CHST9: variants seen among roughly 807,000 people sequenced by gnomAD.
CHST9 encodes the protein carbohydrate sulfotransferase 9.
In CHST9, 41 loss-of-function variants were observed where a neutral mutation model predicts 44.4. That is an observed-to-expected ratio of 0.92 (90% CI 0.72 to 1.20). CHST9 has a LOEUF of 1.20. Among genes scored for constraint, CHST9 ranks in the 50% most tolerant of loss-of-function variants. The pLI is 0.00. For synonymous variants in CHST9, 171 were observed against 178.4 expected (o/e 0.96, Z 0.33); for missense variants, 504 against 516.5 (o/e 0.98, Z 0.23).
chr18:27,181,725 A>G (rs888521518), intron 1 of CHST9, among the ~76,000 whole-genome samples: 1 of 152,228 alleles, frequency 6.6e-6, no homozygotes, highest in African/African-American at 2.4e-5. Context: ...AGTGGGATTG[A>G]ATTTCTCAAA....
chr18:26,979,291 A>C (rs1185365931), intron 4 of CHST9, among the ~76,000 whole-genome samples: 1 of 152,172 alleles, frequency 6.6e-6, no homozygotes, highest in African/African-American at 2.4e-5. Context: ...AGAAGTGAGA[A>C]AAACATCACC....
At chr18:27,003,360 A>C (rs2056975469) in intron 4 of CHST9, among the ~76,000 whole-genome samples, 1 of 152,126 alleles carries the variant, frequency 6.6e-6, no homozygotes, top group South Asian at 2.1e-4. Flanking sequence ...ACCTAGATCT[A>C]CCACTCATGG....
chr18:27,051,879 A>T (rs959778008), intron 2 of CHST9, among the ~76,000 whole-genome samples: 1 of 152,202 alleles, frequency 6.6e-6, no homozygotes, highest in Non-Finnish European at 1.5e-5. Flanking sequence ...AATTGCAGGC[A>T]TATCAATCAG....
intron 2 of CHST9, among the ~76,000 whole-genome samples, chr18:27,102,943 C>A (rs774257319): frequency 6.6e-5 from 10 of 152,094 alleles, no homozygotes; most frequent in Non-Finnish European, 1.3e-4. Flanking sequence ...TATCAGCTTG[C>A]ATAATGGGCC....
chr18:26,912,933 T>C lies in CHST9; in HGVS notation c.*3326A>G, dbSNP rs2055460928. 6.6e-6 allele frequency: 1 copy of C among 152,210 alleles called. No homozygotes were observed. Among genetic ancestry groups the C allele is most frequent in the East Asian group, 1.9e-4 (1 of 5,194 alleles). The allele number at this position is 152,210 out of a possible 1,614,324, so 9.4% of individuals were successfully genotyped here. ...ATCCTTTTTCAAGTATCAGAGCATCTTGGGAGGGTTAGCCCTGGGCAAAAC... is the reference window on the plus strand; with the variant it reads ...ATCCTTTTTCAAGTATCAGAGCATCCTGGGAGGGTTAGCCCTGGGCAAAAC... On this transcript the variant is annotated 3_prime_UTR_variant, in exon 6 of 6. Coordinates refer to ENST00000618847, the MANE Select transcript of CHST9 (RefSeq NM_031422.6).
rs950618399 is a variant in CHST9 at position 26,910,092 on chromosome 18, G to A, written c.*6167C>T. 2.0e-5 allele frequency: 3 copies of A among 152,106 alleles called. No individual in the cohort carries two copies. Among genetic ancestry groups the A allele is most frequent in the African/African-American group, 7.2e-5 (3 of 41,408 alleles). The allele number at this position is 152,106 out of a possible 1,614,324, so 9.4% of individuals were successfully genotyped here. A position where few individuals can be genotyped will look rare whatever the true frequency, so the allele number is the denominator to read the frequency against. Reference sequence around the variant, plus strand: ...TAGATACTAGAGCTCCAAGAGCCTGGGAGAATGACTCATCTCTGCAGAAAG... The same window carrying A: ...TAGATACTAGAGCTCCAAGAGCCTGAGAGAATGACTCATCTCTGCAGAAAG... On this transcript the variant is annotated 3_prime_UTR_variant, in exon 6 of 6. Transcript: ENST00000618847.
At chr18:26,922,056 A>G (rs2145061020) in intron 5 of CHST9, among the ~76,000 whole-genome samples, 1 of 152,130 alleles carries the variant, frequency 6.6e-6, no homozygotes, top group Admixed American at 6.5e-5. Flanking sequence ...TTTGTTTTTT[A>G]TTTCTTAACA....
At chr18:27,136,438 T>G (rs981308546) in intron 2 of CHST9, among the ~76,000 whole-genome samples, 1 of 152,140 alleles carries the variant, frequency 6.6e-6, no homozygotes, top group Non-Finnish European at 1.5e-5. Flanking sequence ...CACTGTGTCT[T>G]TCTCTAGTGC....
intron 1 of CHST9, among the ~76,000 whole-genome samples, chr18:27,179,959 G>C (rs1342075249): frequency 6.6e-6 from 1 of 152,094 alleles, no homozygotes; most frequent in Admixed American, 6.5e-5. Flanking sequence ...AAATGTTCCA[G>C]AAAGTACTTT....
chr18:26,927,906 A>G (rs1007431502), intron 5 of CHST9, among the ~76,000 whole-genome samples: 10 of 152,200 alleles, frequency 6.6e-5, no homozygotes, highest in African/African-American at 2.4e-4. Flanking sequence ...AACCTCGGAC[A>G]ATACCTGGCT....
rs77047987 is a variant in CHST9, at chr18:27,024,717, A to G, written c.161-560T>C. 6.7e-3 allele frequency among the ~76,000 whole-genome samples: 1,019 copies of G among 152,346 alleles called. 9 individuals carry two copies. Among genetic ancestry groups the G allele is most frequent in the African/African-American group, 0.023 (966 of 41,568 alleles). ...GAGTAAATGAACAGAAAGCTAGGAT[A>G]AAAAAGAGGGCTCTGAGGCAAGCAA... is the stretch of plus-strand genomic sequence containing the variant. On this transcript the variant is annotated intron_variant, in intron 3 of 5. Coordinates refer to ENST00000618847, the MANE Select transcript of CHST9 (RefSeq NM_031422.6).
At chr18:27,052,344 T>A (rs1316093038) in intron 2 of CHST9, among the ~76,000 whole-genome samples, 2 of 151,656 alleles carry the variant, frequency 1.3e-5, no homozygotes, top group African/African-American at 4.8e-5. Context: ...GTATATATAT[T>A]TATACATGCA....
At chr18:27,154,146 C>T (rs569481295) in intron 1 of CHST9, among the ~76,000 whole-genome samples, 12 of 151,704 alleles carry the variant, frequency 7.9e-5, no homozygotes, top group African/African-American at 2.9e-4. Flanking sequence ...AGTGAGGGAA[C>T]TAAAAATAAG....
intron 3 of CHST9, among the ~76,000 whole-genome samples, chr18:27,035,623 A>G (rs1482498931): frequency 2.0e-5 from 3 of 152,144 alleles, no homozygotes. Context: ...AGCCTCAAAA[A>G]AAGAAGAAAA....
chr18:26,944,593 A>G (rs1220730736), intron 4 of CHST9, among the ~76,000 whole-genome samples: 1 of 152,210 alleles, frequency 6.6e-6, no homozygotes, highest in African/African-American at 2.4e-5. Flanking sequence ...TGGAGTGGAA[A>G]TCCAATAAGG....
At chr18:27,023,725 C>G (rs1311280742) in intron 4 of CHST9, among the ~76,000 whole-genome samples, 1 of 152,180 alleles carries the variant, frequency 6.6e-6, no homozygotes, top group Non-Finnish European at 1.5e-5. Flanking sequence ...AGGTTTTACT[C>G]TATTCATAGA....
intron 5 of CHST9, among the ~76,000 whole-genome samples, chr18:26,932,278 C>A (rs953026406): frequency 2.6e-5 from 4 of 152,202 alleles, no homozygotes; most frequent in African/African-American, 7.2e-5. Context: ...ATAAACCACA[C>A]AGAGATTGTG....
At chr18:27,157,091 CT>C (rs1277559709) in intron 1 of CHST9, among the ~76,000 whole-genome samples, 1 of 151,920 alleles carries the variant, frequency 6.6e-6, no homozygotes, top group African/African-American at 2.4e-5. Context: ...CAATAAAATC[CT>C]TGTAGAAGTA....
chr18:27,068,682 T>C (rs539288631), intron 2 of CHST9, among the ~76,000 whole-genome samples: 7 of 152,334 alleles, frequency 4.6e-5, no homozygotes, highest in Admixed American at 2.0e-4. Flanking sequence ...TCACATAGTA[T>C]GGAAGTCAGA....
Sources: allele counts gnomAD v4.1 joint callset (sites outside exome capture counted in the v4.1 genomes callset), GRCh38; gene constraint gnomAD v4.1.1; transcripts MANE v1.5; gene names NCBI Gene and HGNC (gene_info 2026-07-23, HGNC 2026-07-21).